The following CUX2 variants were observed in gnomAD, a reference collection of about 807,000 sequenced individuals.
CUX2 encodes the protein cut like homeobox 2.
Under a neutral mutation model 144.8 loss-of-function variants are expected in CUX2, and 40 were observed. The observed-to-expected ratio is 0.28, with a 90% CI of 0.21 to 0.36. CUX2 has a LOEUF of 0.36. Among genes scored for constraint, CUX2 ranks in the 10% least tolerant of loss-of-function variants. The pLI, the probability that CUX2 is intolerant of heterozygous loss-of-function variation, is 1.00. For missense variants in CUX2, 1,615 were observed against 1,994.0 expected, an observed-to-expected ratio of 0.81 and a Z score of 3.62; for synonymous variants, 827 against 875.6, an observed-to-expected ratio of 0.94 and a Z score of 0.98.
intron 9 of CUX2, among the ~76,000 whole-genome samples, chr12:111,299,258 G>T (rs1206915522): frequency 6.6e-6 from 1 of 152,246 alleles, no homozygotes; most frequent in Non-Finnish European, 1.5e-5. Context: ...CTGTGGCAGG[G>T]AGAGAGGTCA....
chr12:111,162,476 A>C (rs925082383), intron 1 of CUX2, among the ~76,000 whole-genome samples: 2 of 152,178 alleles, frequency 1.3e-5, no homozygotes, highest in Non-Finnish European at 2.9e-5. Flanking sequence ...CACTGCTGGG[A>C]TGTGCGGCCT....
chr12:111,063,675 C>G (rs1870891911), intron 1 of CUX2, among the ~76,000 whole-genome samples: 1 of 152,210 alleles, frequency 6.6e-6, no homozygotes, highest in Non-Finnish European at 1.5e-5. Flanking sequence ...GGGTAAAATT[C>G]CCAGAGGAAG....
At chr12:111,288,855 C>T (rs1451802833) in intron 4 of CUX2, among the ~76,000 whole-genome samples, 1 of 152,150 alleles carries the variant, frequency 6.6e-6, no homozygotes, top group East Asian at 1.9e-4. Flanking sequence ...CTCAGCTACT[C>T]AGTAGGCTGA....
intron 1 of CUX2, among the ~76,000 whole-genome samples, chr12:111,167,625 C>T (rs1378628451): frequency 6.6e-6 from 1 of 152,206 alleles, no homozygotes; most frequent in Non-Finnish European, 1.5e-5. Flanking sequence ...TTTTCTGTTC[C>T]TATCTCATTT....
Position 111,171,300 on chromosome 12 carries a change from T to G in CUX2, c.64-42900T>G, listed in dbSNP as rs993431350. Among the ~76,000 whole-genome samples the G allele has an allele frequency of 6.6e-6, 1 of 152,140 alleles. No homozygotes were observed. Among genetic ancestry groups the G allele is most frequent in the African/African-American group, 2.4e-5 (1 of 41,430 alleles). On this transcript the variant is annotated intron_variant, in intron 1 of 21. Coordinates refer to ENST00000261726, the MANE Select transcript of CUX2 (RefSeq NM_015267.4). The surrounding 1 kb of genome is among the most constrained non-coding windows in gnomAD (Gnocchi z 5.0). ...TGCAGGTCATCAGTTTGCAGTGATTTTGCCAGTGAACACCTGAGCCCCTTA... is the reference window on the plus strand; with the variant it reads ...TGCAGGTCATCAGTTTGCAGTGATTGTGCCAGTGAACACCTGAGCCCCTTA...
chr12:111,342,671 C>T (rs907526882), intron 21 of CUX2, among the ~76,000 whole-genome samples: 1 of 151,348 alleles, frequency 6.6e-6, no homozygotes, highest in Non-Finnish European at 1.5e-5. Context: ...AAATACCTAG[C>T]GTGTAGGCCA....
intron 3 of CUX2, among the ~76,000 whole-genome samples, chr12:111,248,218 C>T (rs1476296150): frequency 4.6e-5 from 7 of 152,196 alleles, no homozygotes; most frequent in Admixed American, 4.6e-4. Context: ...TATCTTTTAA[C>T]TGCTGGTGTC....
chr12:111,194,602 G>A (rs1240078632), intron 1 of CUX2, among the ~76,000 whole-genome samples: 3 of 152,198 alleles, frequency 2.0e-5, no homozygotes, highest in Non-Finnish European at 2.9e-5. Context: ...TAGCAGGGAC[G>A]CTGGTCTTTC....
chr12:111,289,333 G>A lies in CUX2; in HGVS notation c.302-2085G>A, dbSNP rs572640368. Among the ~76,000 whole-genome samples, 14 of 152,288 alleles carry A rather than the reference G, an allele frequency of 9.2e-5. No individual in the cohort carries two copies. In the South Asian group the frequency reaches 2.5e-3, roughly 27 times the overall value. On this transcript the variant is annotated intron_variant, in intron 4 of 21. Transcript: ENST00000261726. The surrounding 1 kb of genome is among the most constrained non-coding windows in gnomAD (Gnocchi z 4.1). ...AGGCCTTTGTGATATCAAAGCAAGA[G>A]ACCCAGATTCGAGTCTCACATCTAC...
Position 111,306,939 on chromosome 12 carries a change from C to G in CUX2, c.877C>G (p.Leu293Val). Residue 293 changes from leucine (L) to valine (V), a missense_variant, in exon 11 of 22, where the codon CTG (leucine) becomes GTG (valine). By Grantham distance (32) the Leu-to-Val change is conservative. Transcript: ENST00000261726. ...GPSGDKVNFT[L>V]CSGPRLEAAL... is the part of the protein sequence containing the mutation. Reference sequence around the variant, plus strand: ...CCTGCAGGATAAGGTGAACTTCACTCTGTGCTCGGGCCCTCGGCTGGAGGC... The same window carrying G: ...CCTGCAGGATAAGGTGAACTTCACTGTGTGCTCGGGCCCTCGGCTGGAGGC... 3 of 1,607,932 alleles carry G rather than the reference C, an allele frequency of 1.9e-6. No homozygotes were observed. The highest frequency in any genetic ancestry group is 2.5e-6 in the Non-Finnish European group (3 of 1,176,572).
chr12:111,282,591 A>G (rs1885167412), intron 4 of CUX2, among the ~76,000 whole-genome samples: 1 of 147,134 alleles, frequency 6.8e-6, no homozygotes, highest in South Asian at 2.2e-4. Flanking sequence ...ACACCATTAC[A>G]CTCCAGCCTG....
At chr12:111,174,524 C>T (rs1878731163) in intron 1 of CUX2, among the ~76,000 whole-genome samples, 1 of 152,232 alleles carries the variant, frequency 6.6e-6, no homozygotes, top group Non-Finnish European at 1.5e-5. Flanking sequence ...ATACCTTATA[C>T]TAGCTGGCCA....
chr12:111,310,165 GC>G lies in CUX2; in HGVS notation c.1387del (p.Leu463CysfsTer28). 1 of 1,552,938 alleles carries G rather than the reference GC, an allele frequency of 6.4e-7. No homozygotes were observed. Among genetic ancestry groups the G allele is most frequent in the Non-Finnish European group, 8.7e-7 (1 of 1,151,162 alleles). ...EDPLSPSPGQ[P>X]LLGPSLGPDG... ...ACCCCCTGTCTCCCAGCCCCGGGCA[GC>G]CCCTGCTGGGCCCCAGCTTGGGGCC... On this transcript the variant is annotated frameshift_variant, in exon 15 of 22. Coordinates refer to ENST00000261726, the MANE Select transcript of CUX2 (RefSeq NM_015267.4). LOFTEE classifies it high-confidence loss of function. The surrounding 1 kb of genome is among the most constrained non-coding windows in gnomAD (Gnocchi z 7.9).
intron 3 of CUX2, among the ~76,000 whole-genome samples, chr12:111,262,650 A>T (rs1324577709): frequency 6.6e-6 from 1 of 152,280 alleles, no homozygotes; most frequent in African/African-American, 2.4e-5. Context: ...AAGCACTGGG[A>T]TTAAAGGCAT....
intron 1 of CUX2, among the ~76,000 whole-genome samples, chr12:111,132,420 G>C (rs1034162521): frequency 6.6e-6 from 1 of 152,092 alleles, no homozygotes; most frequent in African/African-American, 2.4e-5. Flanking sequence ...TCCCCCATGG[G>C]CTTGGGGATT....
At chr12:111,225,892 G>A (rs1353399335) in intron 3 of CUX2, among the ~76,000 whole-genome samples, 1 of 152,192 alleles carries the variant, frequency 6.6e-6, no homozygotes, top group East Asian at 1.9e-4. Context: ...AGTGTTGCTT[G>A]CAGCTCACGT....
chr12:111,196,137 A>C (rs934764277), intron 1 of CUX2, among the ~76,000 whole-genome samples: 3 of 152,202 alleles, frequency 2.0e-5, no homozygotes, highest in African/African-American at 7.2e-5. Flanking sequence ...TCAGCTTCTT[A>C]CATTAGGTAT....
At chr12:111,215,909 C>T (rs1187618602) in intron 2 of CUX2, among the ~76,000 whole-genome samples, 2 of 152,198 alleles carry the variant, frequency 1.3e-5, no homozygotes, top group African/African-American at 2.4e-5. Flanking sequence ...TTTAATACTG[C>T]ATAATTATGC....
intron 1 of CUX2, among the ~76,000 whole-genome samples, chr12:111,149,743 C>T (rs1876918972): frequency 6.6e-6 from 1 of 152,148 alleles, no homozygotes; most frequent in Non-Finnish European, 1.5e-5. Context: ...GCTTTCTTTA[C>T]CTGTTGAAAG....
Sources: gnomAD v4.1 joint callset for allele counts (sites outside exome capture counted in the v4.1 genomes callset) on GRCh38, gnomAD v4.1.1 for gene constraint, Gnocchi (gnomAD v3.1) non-coding constraint, MANE v1.5 for transcripts, NCBI Gene and HGNC (gene_info 2026-07-23, HGNC 2026-07-21) for gene names.